Variants in TIPRL observed in about 807,000 individuals in gnomAD.
TIPRL encodes the protein TIP41-like protein.
In TIPRL, 10 loss-of-function variants were observed where a neutral mutation model predicts 32.3. The observed-to-expected ratio is 0.31, with a 90% CI of 0.19 to 0.52. The LOEUF (loss-of-function observed/expected upper bound fraction) is 0.52. Among genes scored for constraint, TIPRL ranks in the 20% least tolerant of loss-of-function variants. TIPRL has a pLI of 0.96. For missense variants in TIPRL, 250 were observed against 328.1 expected, an observed-to-expected ratio of 0.76 and a Z score of 1.84; for synonymous variants, 100 against 114.0, an observed-to-expected ratio of 0.88 and a Z score of 0.78.
chr1:168,186,248 C>G (rs910691904), intron 3 of TIPRL, among the ~76,000 whole-genome samples: 3 of 152,188 alleles, frequency 2.0e-5, no homozygotes, highest in Non-Finnish European at 4.4e-5. Flanking sequence ...GTAATCCCAG[C>G]ACTTTGCGAG....
intron 3 of TIPRL, 42 bp from the exon 4 acceptor site, chr1:168,191,327 C>CTTT: frequency 1.4e-6 from 2 of 1,437,374 alleles, no homozygotes; most frequent in Non-Finnish European, 1.8e-6. Context: ...AGCTCCTCAA[C>CTTT]TTTTTTTTTA....
At chr1:168,181,824 G>A (rs1361449196) in intron 1 of TIPRL, among the ~76,000 whole-genome samples, 1 of 150,370 alleles carries the variant, frequency 6.7e-6, no homozygotes, top group African/African-American at 2.4e-5. Context: ...ACTTTGGGAG[G>A]CTGAGGCAGG....
chr1:168,192,137 GATGTC>G, intron 4 of TIPRL: 2 of 1,360,574 alleles, frequency 1.5e-6, no homozygotes, highest in Non-Finnish European at 1.9e-6. Context: ...CGGCAAGGTG[GATGTC>G]ATTTTTTAAA....
At chr1:168,197,561 C>G (rs1700171724) in intron 5 of TIPRL, among the ~76,000 whole-genome samples, 1 of 151,736 alleles carries the variant, frequency 6.6e-6, no homozygotes, top group African/African-American at 2.4e-5. Flanking sequence ...GCTCTGTTGC[C>G]CAGGCTGGAA....
intron 4 of TIPRL, among the ~76,000 whole-genome samples, chr1:168,193,544 G>A (rs975445251): frequency 2.0e-5 from 3 of 152,042 alleles, no homozygotes; most frequent in African/African-American, 7.3e-5. Flanking sequence ...TATGCTAAAT[G>A]TTCATTATGA....
In TIPRL at chr1:168,191,382, C is replaced by T; in HGVS notation, c.398C>T (p.Thr133Ile). 2 of 1,531,760 alleles carry T rather than the reference C, an allele frequency of 1.3e-6. No individual in the cohort carries two copies. The highest frequency in any genetic ancestry group is 1.7e-6 in the Non-Finnish European group (2 of 1,152,464). The allele number at this position is 1,531,760 out of a possible 1,614,324, so 94.9% of individuals were successfully genotyped here. Residue 133 changes from threonine to isoleucine, a missense_variant, in exon 4 of 7, where the codon ACA becomes ATA. Transcript: ENST00000367833. ...ESLKLKVVPT[T>I]DHIDTEKLKA... ...TTTTTCTTTCAGGTTGTACCTACAA[C>T]AGATCATATAGATACAGAAAAATTG...
At chr1:168,196,902 G>A (rs966698915) in intron 5 of TIPRL, among the ~76,000 whole-genome samples, 1 of 152,130 alleles carries the variant, frequency 6.6e-6, no homozygotes, top group South Asian at 2.1e-4. Context: ...AGACAATTTT[G>A]TATGTACTTA....
chr1:168,195,048 G>A (rs566631583), intron 4 of TIPRL, among the ~76,000 whole-genome samples: 4 of 152,292 alleles, frequency 2.6e-5, no homozygotes, highest in East Asian at 3.9e-4. Context: ...AACATTAGCC[G>A]GGAGAATACT....
intron 3 of TIPRL, among the ~76,000 whole-genome samples, chr1:168,186,240 A>C (rs1700026551): frequency 6.6e-6 from 1 of 152,220 alleles, no homozygotes; most frequent in Non-Finnish European, 1.5e-5. Flanking sequence ...TCACGCCTGT[A>C]ATCCCAGCAC....
At chr1:168,194,414 G>A (rs1303893059) in intron 4 of TIPRL, among the ~76,000 whole-genome samples, 4 of 152,138 alleles carry the variant, frequency 2.6e-5, no homozygotes, top group Non-Finnish European at 4.4e-5. Flanking sequence ...CTATTGTATT[G>A]GCACTAGAGT....
At chr1:168,192,748 C>T (rs1272469375) in intron 4 of TIPRL, among the ~76,000 whole-genome samples, 2 of 151,912 alleles carry the variant, frequency 1.3e-5, no homozygotes, top group East Asian at 1.9e-4. Flanking sequence ...TAGCTGGGCG[C>T]AGTGGCGGGC....
In TIPRL at chr1:168,179,035, C is replaced by T. The variant is rs1424688663; in HGVS notation, c.-43C>T. 6.4e-7 allele frequency: 1 copy of T among 1,565,384 alleles called. No homozygotes were observed. On this transcript the variant is annotated 5_prime_UTR_variant, in exon 1 of 7. Transcript: ENST00000367833. ...GAACCGGTGTTCGCCGCCGCCGCTG[C>T]TTCAGCTTATTCCTTGTGGCCTCTG...
At chr1:168,192,626 C>T (rs1436463069) in intron 4 of TIPRL, among the ~76,000 whole-genome samples, 2 of 152,194 alleles carry the variant, frequency 1.3e-5, no homozygotes, top group South Asian at 2.1e-4. Flanking sequence ...AGGCCGGGCG[C>T]GGTGGCCCAT....
Position 168,179,152 on chromosome 1 carries a change from C to T in TIPRL, c.75C>T (p.Thr25=), listed in dbSNP as rs1558160835. Residue 25 remains threonine (T), a synonymous_variant, in exon 1 of 7, where the codon ACC becomes ACT. Coordinates refer to ENST00000367833, the MANE Select transcript of TIPRL (RefSeq NM_152902.5). ...FGPWKLTASK[T]HIMKSADVEK... is the part of the protein sequence containing the mutation. Reference sequence around the variant, plus strand: ...CCTGGAAGCTGACGGCGTCCAAGACCCACATCATGAAGTCGGCGGATGTGG... The same window carrying T: ...CCTGGAAGCTGACGGCGTCCAAGACTCACATCATGAAGTCGGCGGATGTGG... The T allele has an allele frequency of 5.6e-6, 9 of 1,613,920 alleles. No homozygotes were observed. Among genetic ancestry groups the T allele is most frequent in the Admixed American group, 1.7e-5 (1 of 59,986 alleles).
At chr1:168,180,109 T>C (rs1394753923) in intron 1 of TIPRL, among the ~76,000 whole-genome samples, 2 of 152,158 alleles carry the variant, frequency 1.3e-5, no homozygotes, top group Non-Finnish European at 2.9e-5. Flanking sequence ...CTCTGAAAGA[T>C]TTCTCTGGAG....
At chr1:168,194,587 A>T (rs1700133364) in intron 4 of TIPRL, among the ~76,000 whole-genome samples, 1 of 152,334 alleles carries the variant, frequency 6.6e-6, no homozygotes, top group Admixed American at 6.5e-5. Context: ...CTGTGTAGTA[A>T]TGTCAAATAA....
chr1:168,199,296 T>TA (rs758434054), intron 6 of TIPRL, among the ~76,000 whole-genome samples: 14 of 152,176 alleles, frequency 9.2e-5, no homozygotes, highest in Non-Finnish European at 1.5e-4. Flanking sequence ...TCTTTACACT[T>TA]ACCACCCTGC....
chr1:168,189,205 C>T (rs371695118), intron 3 of TIPRL, among the ~76,000 whole-genome samples: 4 of 151,848 alleles, frequency 2.6e-5, no homozygotes, highest in Admixed American at 1.3e-4. Context: ...TCCAGTCTTT[C>T]CAGATCTCAG....
At chr1:168,192,321 T>C (rs964442037) in intron 4 of TIPRL, 84 of 1,007,984 alleles carry the variant, frequency 8.3e-5, no homozygotes, top group Non-Finnish European at 1.0e-4. Context: ...ACTCCAGCCC[T>C]CCAGCCTGGG....
Sources: gnomAD v4.1 joint callset for allele counts (sites outside exome capture counted in the v4.1 genomes callset) on GRCh38, gnomAD v4.1.1 for gene constraint, MANE v1.5 for transcripts, NCBI Gene and HGNC (gene_info 2026-07-23, HGNC 2026-07-21) for gene names.